The following NRG1 variants were observed in gnomAD, a reference collection of about 807,000 sequenced individuals.
The protein encoded by NRG1 is pro-neuregulin-1, membrane-bound isoform.
Under a neutral mutation model 63.8 loss-of-function variants are expected in NRG1, and 18 were observed. The ratio of observed to expected loss-of-function variants is 0.28; its 90% CI spans 0.19 to 0.42. NRG1 has a LOEUF of 0.42. Among genes scored for constraint, NRG1 ranks in the 10% least tolerant of loss-of-function variants. The pLI is 1.00. For missense variants in NRG1, 762 were observed against 814.7 expected (o/e 0.94, Z 0.79); for synonymous variants, 302 against 301.3 (o/e 1.00, Z -0.02).
chr8:32,659,176 G>C (rs1802249193), intron 5 of NRG1, among the ~76,000 whole-genome samples: 1 of 125,540 alleles, frequency 8.0e-6, no homozygotes, highest in Non-Finnish European at 1.6e-5. Flanking sequence ...ACAGAGTCTT[G>C]CTCTGTTGCC....
chr8:32,679,935 TA>T (rs1808170529), intron 5 of NRG1, among the ~76,000 whole-genome samples: 2 of 152,232 alleles, frequency 1.3e-5, no homozygotes, highest in Admixed American at 6.5e-5. Context: ...TCTAGTATTT[TA>T]AAAGATGAAA....
chr8:32,756,001 G>A lies in NRG1; in HGVS notation c.795-402G>A, dbSNP rs532651687. 6.6e-5 allele frequency among the ~76,000 whole-genome samples: 10 copies of A among 152,132 alleles called. No individual in the cohort carries two copies. The East Asian group carries it at 9.7e-4, about 15-fold the overall frequency. On this transcript the variant is annotated intron_variant, in intron 8 of 11. Coordinates refer to ENST00000356819, the Ensembl canonical transcript of NRG1. ...AATTAATTCTCTTGCCTTTGCCTCC[G>A]AAAGTGCTAAGCTTACAGGAATGAG... is the stretch of plus-strand genomic sequence containing the variant.
intron 1 of NRG1, among the ~76,000 whole-genome samples, chr8:31,809,966 AC>A: frequency 6.6e-6 from 1 of 150,612 alleles, no homozygotes; most frequent in South Asian, 2.1e-4. Context: ...ATCTTGGGAG[AC>A]CCCTAGCTGA....
intron 1 of NRG1, among the ~76,000 whole-genome samples, chr8:32,319,268 G>A (rs1198090283): frequency 6.6e-6 from 1 of 152,072 alleles, no homozygotes; most frequent in Non-Finnish European, 1.5e-5. Context: ...TCACAGCTAG[G>A]GTCATGTTAT....
intron 1 of NRG1, among the ~76,000 whole-genome samples, chr8:32,483,339 C>A (rs1825529165): frequency 6.6e-6 from 1 of 152,198 alleles, no homozygotes; most frequent in African/African-American, 2.4e-5. Flanking sequence ...TACCCACTTG[C>A]CTTGTCTCTG....
intron 1 of NRG1, among the ~76,000 whole-genome samples, chr8:31,756,509 T>A (rs555686249): frequency 6.6e-6 from 1 of 152,098 alleles, no homozygotes; most frequent in South Asian, 2.1e-4. Flanking sequence ...CTGCCCATCA[T>A]GGAAAGCGGA....
intron 1 of NRG1, among the ~76,000 whole-genome samples, chr8:32,231,477 G>C (rs1399063728): frequency 6.6e-6 from 1 of 152,112 alleles, no homozygotes; most frequent in Non-Finnish European, 1.5e-5. Context: ...AATTGAATGT[G>C]ATATACTCTG....
At chr8:31,854,901 T>G (rs1827680857) in intron 1 of NRG1, among the ~76,000 whole-genome samples, 1 of 152,224 alleles carries the variant, frequency 6.6e-6, no homozygotes, top group African/African-American at 2.4e-5. Context: ...GGTTGTTCAG[T>G]TTCCATGTAG....
chr8:31,909,402 C>T (rs927127666), intron 1 of NRG1, among the ~76,000 whole-genome samples: 1 of 152,060 alleles, frequency 6.6e-6, no homozygotes, highest in African/African-American at 2.4e-5. Context: ...GACCAGACCC[C>T]TGGCTTAATC....
At chr8:31,947,063 G>A (rs554524089) in intron 1 of NRG1, among the ~76,000 whole-genome samples, 2 of 152,116 alleles carry the variant, frequency 1.3e-5, no homozygotes, top group Non-Finnish European at 2.9e-5. Flanking sequence ...CCCTTTGGGA[G>A]GCCGAGGCGG....
At chr8:32,760,624 ACT>A (rs1830523502) in intron 11 of NRG1, 2 of 1,355,250 alleles carry the variant, frequency 1.5e-6, no homozygotes, top group African/African-American at 2.9e-5. Flanking sequence ...CAGGCAACAG[ACT>A]CTTAAAGAGC....
chr8:32,483,017 G>T (rs995024742), intron 1 of NRG1, among the ~76,000 whole-genome samples: 1 of 152,220 alleles, frequency 6.6e-6, no homozygotes, highest in Non-Finnish European at 1.5e-5. Context: ...AGGTTGCCAG[G>T]TGTCTTCCCA....
chr8:32,650,664 A>T (rs950077370), intron 5 of NRG1, among the ~76,000 whole-genome samples: 2 of 150,224 alleles, frequency 1.3e-5, no homozygotes, highest in Non-Finnish European at 3.0e-5. Context: ...GCAAAAAAAA[A>T]AAAAAAAAAA....
At chr8:32,228,859 A>C (rs1194920225) in intron 1 of NRG1, among the ~76,000 whole-genome samples, 5 of 152,180 alleles carry the variant, frequency 3.3e-5, no homozygotes, top group Non-Finnish European at 7.3e-5. Flanking sequence ...TATCCCACAA[A>C]GTTCTCTTTA....
chr8:31,641,981 A>T (rs982221728), intron 1 of NRG1, among the ~76,000 whole-genome samples: 7 of 152,162 alleles, frequency 4.6e-5, no homozygotes, highest in Non-Finnish European at 2.9e-5. Flanking sequence ...GACAGCAAAG[A>T]TCATTGTTCA....
At chr8:32,243,042 A>G (rs536643996) in intron 1 of NRG1, among the ~76,000 whole-genome samples, 3 of 152,052 alleles carry the variant, frequency 2.0e-5, no homozygotes, top group Non-Finnish European at 4.4e-5. Context: ...CTTGGCTTGT[A>G]GATGTCTGTC....
Position 32,047,478 on chromosome 8 carries a change from C to CA in NRG1, c.37+408055dup, listed in dbSNP as rs530111304. On this transcript the variant is annotated intron_variant, in intron 1 of 10. Transcript: ENST00000519301. ...GTATTTGTCATCTTAACTAAGGATACAAAAAAAAGGAAGTGTGCATCAATT... is the reference window on the plus strand; with the variant it reads ...GTATTTGTCATCTTAACTAAGGATACAAAAAAAAAGGAAGTGTGCATCAATT... Among the ~76,000 whole-genome samples the CA allele has an allele frequency of 1.1e-4, 17 of 151,152 alleles. 1 individual carries two copies. The South Asian group carries it at 2.9e-3, about 26-fold the overall frequency.
At chr8:31,718,149 G>A (rs142360930) in intron 1 of NRG1, among the ~76,000 whole-genome samples, 51 of 152,164 alleles carry the variant, frequency 3.4e-4, no homozygotes, top group African/African-American at 1.1e-3. Flanking sequence ...GAAAACTAAA[G>A]TGGTCTAGAA....
At chr8:32,183,064 AT>A (rs1327559105) in intron 1 of NRG1, among the ~76,000 whole-genome samples, 1 of 152,214 alleles carries the variant, frequency 6.6e-6, no homozygotes, top group African/African-American at 2.4e-5. Flanking sequence ...CCATAGTTAG[AT>A]TTCTCATTTT....
Sources: allele counts gnomAD v4.1 joint callset (sites outside exome capture counted in the v4.1 genomes callset), GRCh38; gene constraint gnomAD v4.1.1; transcripts MANE v1.5; gene names NCBI Gene and HGNC (gene_info 2026-07-23, HGNC 2026-07-21).